Variants in ADAT2 observed in about 807,000 individuals in gnomAD.
ADAT2 encodes the protein adenosine deaminase tRNA specific 2.
Under a neutral mutation model 25.9 loss-of-function variants are expected in ADAT2, and 26 were observed. The observed-to-expected ratio is 1.00, with a 90% CI of 0.74 to 1.39. The LOEUF is 1.39. Among genes scored for constraint, ADAT2 ranks in the 40% most tolerant of loss-of-function variants. The pLI, the probability that ADAT2 is intolerant of heterozygous loss-of-function variation, is 0.00. For synonymous variants in ADAT2, 76 were observed against 86.8 expected (o/e 0.88, Z 0.69); for missense variants, 220 against 244.8 (o/e 0.90, Z 0.68).
Position 143,432,662 on chromosome 6 carries a change from G to A in ADAT2, c.353-51C>T, listed in dbSNP as rs370220554. The A allele has an allele frequency of 1.8e-5, 28 of 1,568,782 alleles. No individual in the cohort carries two copies. The highest frequency in any genetic ancestry group is 4.5e-5 in the East Asian group (2 of 44,548). ...AGAATGTACATTTCAAGTATGTATC[G>A]TGACAAAATCAGAGTAGGTTTATAC... On this transcript the variant is annotated intron_variant, in intron 3 of 5. Coordinates refer to ENST00000237283, the MANE Select transcript of ADAT2 (RefSeq NM_182503.3). The surrounding 1 kb of genome is among the most constrained non-coding windows in gnomAD (Gnocchi z 4.4).
Position 143,438,638 on chromosome 6 carries a change from G to T in ADAT2, c.153C>A (p.Asn51Lys). ...EVPVGCLMVY[N>K]NEVVGKGRNE... is the part of the protein sequence containing the mutation. ...TTCTCCCCTTCCCTACAACTTCATT[G>T]TTGTAGACCATAAGACAGCCAACAG... Residue 51 changes from asparagine to lysine, a missense_variant, in exon 2 of 6, where the codon AAC becomes AAA. Coordinates refer to ENST00000237283, the MANE Select transcript of ADAT2 (RefSeq NM_182503.3). The T allele has an allele frequency of 6.2e-7, 1 of 1,613,498 alleles. No individual in the cohort carries two copies. The highest frequency in any genetic ancestry group is 8.5e-7 in the Non-Finnish European group (1 of 1,179,546).
At position 143,423,123 on chromosome 6, in the gene ADAT2, T is replaced by C. The variant is rs1336833911; in HGVS notation, c.*5340A>G. On this transcript the variant is annotated 3_prime_UTR_variant, in exon 6 of 6. Transcript: ENST00000237283. Reference sequence around the variant, plus strand: ...TCCAATCTCAGCCTTTTACCTACTCTAGACCAGGGGCAGCTAACATTTTCT... The same window carrying C: ...TCCAATCTCAGCCTTTTACCTACTCCAGACCAGGGGCAGCTAACATTTTCT... 2 of 152,226 alleles carry C rather than the reference T, an allele frequency of 1.3e-5. No individual in the cohort carries two copies. The highest frequency in any genetic ancestry group is 4.8e-5 in the African/African-American group (2 of 41,454). The allele number at this position is 152,226 out of a possible 1,614,324, so 9.4% of individuals were successfully genotyped here.
intron 1 of ADAT2, among the ~76,000 whole-genome samples, chr6:143,448,257 TG>T (rs1315606815): frequency 6.7e-6 from 1 of 148,706 alleles, no homozygotes; most frequent in Non-Finnish European, 1.5e-5. Flanking sequence ...GTCATGGGGT[TG>T]GGGGGAGAGG....
At chr6:143,449,160 T>C (rs563117608) in intron 1 of ADAT2, among the ~76,000 whole-genome samples, 23 of 152,200 alleles carry the variant, frequency 1.5e-4, no homozygotes, top group Non-Finnish European at 2.8e-4. Context: ...CAATCCACCT[T>C]CCTCAGCCTC....
rs966891278 is a variant in ADAT2 at position 143,444,448 on chromosome 6, A to G, written c.97-5754T>C. 6.6e-6 allele frequency: 1 copy of G among 152,340 alleles called. No individual in the cohort carries two copies. Among genetic ancestry groups the G allele is most frequent in the African/African-American group, 2.4e-5 (1 of 41,438 alleles). 9.4% of individuals were successfully genotyped at this position (152,340 alleles called of 1,614,324 possible). On this transcript the variant is annotated intron_variant, in intron 1 of 5. Coordinates refer to ENST00000237283, the MANE Select transcript of ADAT2 (RefSeq NM_182503.3). This position sits in a 1 kb window ranked among gnomAD's most constrained non-coding sequence, Gnocchi z 4.3. ...AGATTTGCTTCACTAACAAGTTCACAATAGATTTAATTAAGCTGGAAATCA... is the reference window on the plus strand; with the variant it reads ...AGATTTGCTTCACTAACAAGTTCACGATAGATTTAATTAAGCTGGAAATCA...
chr6:143,432,448 C>G lies in ADAT2; in HGVS notation c.459+57G>C. ...GGCCACACACTAGTTATTCACAAGCCCATAAAGAGATGAAAATAATTAGCA... is the reference window on the plus strand; with the variant it reads ...GGCCACACACTAGTTATTCACAAGCGCATAAAGAGATGAAAATAATTAGCA... On this transcript the variant is annotated intron_variant, in intron 4 of 5. Transcript: ENST00000237283. The surrounding 1 kb of genome is among the most constrained non-coding windows in gnomAD (Gnocchi z 4.4). The G allele has an allele frequency of 6.8e-7, 1 of 1,476,146 alleles. No homozygotes were observed. The highest frequency in any genetic ancestry group is 2.3e-5 in the East Asian group (1 of 43,770). 91.4% of individuals were successfully genotyped at this position (1,476,146 alleles called of 1,614,324 possible). A position where few individuals can be genotyped will look rare whatever the true frequency, so the allele number is the denominator to read the frequency against.
In ADAT2 at chr6:143,446,822, T is replaced by TCTGA. The variant is rs1419335516; in HGVS notation, c.96+3740_96+3741insTCAG. ...ATATCCCATCTGAAAATGAGGACCA[T>TCTGA]AATAATACTCACCTGATAGGGCTTC... On this transcript the variant is annotated intron_variant, in intron 1 of 5. Coordinates refer to ENST00000237283, the MANE Select transcript of ADAT2 (RefSeq NM_182503.3). The surrounding 1 kb of genome is among the most constrained non-coding windows in gnomAD (Gnocchi z 5.0). 2.0e-5 allele frequency among the ~76,000 whole-genome samples: 3 copies of TCTGA among 152,136 alleles called. No individual in the cohort carries two copies. Among genetic ancestry groups the TCTGA allele is most frequent in the African/African-American group, 7.2e-5 (3 of 41,430 alleles).
At chr6:143,433,738 T>C (rs1779182995) in intron 3 of ADAT2, 93 bp downstream of exon 3, 1 of 1,314,142 alleles carries the variant, frequency 7.6e-7, no homozygotes. Flanking sequence ...CCTAAGTCTG[T>C]GTTTTCATAT....
rs112457259 is a variant in ADAT2 at position 143,450,007 on chromosome 6, A to G, written c.96+556T>C. On this transcript the variant is annotated intron_variant, in intron 1 of 5. Transcript: ENST00000237283. Reference sequence around the variant, plus strand: ...TGTAAATACATATATTTACAAACAAACTTTTTTTCCCAGTTAAGAAGCTCG... The same window carrying G: ...TGTAAATACATATATTTACAAACAAGCTTTTTTTCCCAGTTAAGAAGCTCG... 7.4e-3 allele frequency: 1,128 copies of G among 152,396 alleles called. 11 individuals are homozygous for G. The highest frequency in any genetic ancestry group is 8.6e-3 in the Non-Finnish European group (586 of 68,174). The allele number at this position is 152,396 out of a possible 1,614,324, so 9.4% of individuals were successfully genotyped here. A position where few individuals can be genotyped will look rare whatever the true frequency, so the allele number is the denominator to read the frequency against.
rs952373980 is a variant in ADAT2, at chr6:143,442,088, A to G, written c.97-3394T>C. 1 of 152,196 alleles carries G rather than the reference A, an allele frequency of 6.6e-6. No individual in the cohort carries two copies. 9.4% of individuals were successfully genotyped at this position (152,196 alleles called of 1,614,324 possible). A position where few individuals can be genotyped will look rare whatever the true frequency, so the allele number is the denominator to read the frequency against. On this transcript the variant is annotated intron_variant, in intron 1 of 5. Transcript: ENST00000237283. This position sits in a 1 kb window ranked among gnomAD's most constrained non-coding sequence, Gnocchi z 4.6. ...AGAAATGAAAACCTATGCTCACACA[A>G]TGTATGTCTGTGTGCACAAATATTC...
At chr6:143,448,970 A>C (rs1234877185) in intron 1 of ADAT2, among the ~76,000 whole-genome samples, 1 of 152,214 alleles carries the variant, frequency 6.6e-6, no homozygotes, top group Non-Finnish European at 1.5e-5. Context: ...ATTTTATATA[A>C]ATTATATGCT....
At position 143,423,365 on chromosome 6, in the gene ADAT2, C is replaced by T. The variant is rs1453453940; in HGVS notation, c.*5098G>A. The T allele has an allele frequency of 4.6e-5, 7 of 151,920 alleles. No homozygotes were observed. The East Asian group carries it at 1.3e-3, about 29-fold the overall frequency. 9.4% of individuals were successfully genotyped at this position (151,920 alleles called of 1,614,324 possible). A position where few individuals can be genotyped will look rare whatever the true frequency, so the allele number is the denominator to read the frequency against. ...TATTATCCTTCTTTTGATTTTTTTT[C>T]AATCACTCAGAATTGTAAGACCCAT... On this transcript the variant is annotated 3_prime_UTR_variant, in exon 6 of 6. Coordinates refer to ENST00000237283, the MANE Select transcript of ADAT2 (RefSeq NM_182503.3).
Position 143,428,477 on chromosome 6 carries a change from A to G in ADAT2, c.562T>C (p.Cys188Arg). 6.2e-7 allele frequency: 1 copy of G among 1,613,916 alleles called. No individual in the cohort carries two copies. Among genetic ancestry groups the G allele is most frequent in the Non-Finnish European group, 8.5e-7 (1 of 1,180,000 alleles). Reference protein sequence around the residue: ...APKSKVRKKECQKS With the variant: ...APKSKVRKKERQKS Reference sequence around the variant, plus strand: ...TCAGAACATGTTCAAGATTTCTGACATTCCTTTTTCCGAACTTTCGATTTT... The same window carrying G: ...TCAGAACATGTTCAAGATTTCTGACGTTCCTTTTTCCGAACTTTCGATTTT... Residue 188 changes from cysteine to arginine, a missense_variant, in exon 6 of 6, where the codon TGT becomes CGT. By Grantham distance (180) the Cys-to-Arg change is radical (BLOSUM62 -3). Coordinates refer to ENST00000237283, the MANE Select transcript of ADAT2 (RefSeq NM_182503.3). The surrounding 1 kb of genome is among the most constrained non-coding windows in gnomAD (Gnocchi z 5.0).
intron 1 of ADAT2, among the ~76,000 whole-genome samples, chr6:143,438,999 C>T (rs763422909): frequency 1.2e-4 from 19 of 152,074 alleles, no homozygotes; most frequent in Non-Finnish European, 2.4e-4. Flanking sequence ...GTGCCAGGGT[C>T]TATGTGTCTT....
intron 4 of ADAT2, among the ~76,000 whole-genome samples, chr6:143,429,277 T>C (rs9484746): frequency 0.28 from 42,681 of 152,128 alleles, 6,235 homozygotes; most frequent in Admixed American, 0.32. Flanking sequence ...GTGACAGAGA[T>C]GTAAGCGGCT....
intron 1 of ADAT2, among the ~76,000 whole-genome samples, chr6:143,445,347 C>T (rs983334439): frequency 6.6e-5 from 10 of 151,940 alleles, no homozygotes; most frequent in Admixed American, 3.9e-4. Context: ...AAAAGGCACA[C>T]GCACATAATA....
Position 143,450,662 on chromosome 6 carries a change from C to T in ADAT2, c.-4G>A. 1 of 1,613,116 alleles carries T rather than the reference C, an allele frequency of 6.2e-7. No homozygotes were observed. Among genetic ancestry groups the T allele is most frequent in the Non-Finnish European group, 8.5e-7 (1 of 1,179,964 alleles). ...TGGGTGCCGCCTTCGCCTCCATACC[C>T]AGCCACCACTCAGCTACAGAGCCCG... is the stretch of plus-strand genomic sequence containing the variant. On this transcript the variant is annotated 5_prime_UTR_variant, in exon 1 of 6. Coordinates refer to ENST00000237283, the MANE Select transcript of ADAT2 (RefSeq NM_182503.3).
chr6:143,427,565 T>C lies in ADAT2; in HGVS notation c.*898A>G, dbSNP rs765415141. 15 of 152,244 alleles carry C rather than the reference T, an allele frequency of 9.9e-5. No homozygotes were observed. The highest frequency in any genetic ancestry group is 1.9e-4 in the Non-Finnish European group (13 of 68,034). The allele number at this position is 152,244 out of a possible 1,614,324, so 9.4% of individuals were successfully genotyped here. ...ATATGGATTATAAAAGAAATAACCATTTGTTTCAGATTAAATTGATCATTC... is the reference window on the plus strand; with the variant it reads ...ATATGGATTATAAAAGAAATAACCACTTGTTTCAGATTAAATTGATCATTC... On this transcript the variant is annotated 3_prime_UTR_variant, in exon 6 of 6. Transcript: ENST00000237283.
In ADAT2 at chr6:143,424,275, T is replaced by C. The variant is rs901650654; in HGVS notation, c.*4188A>G. 1 of 152,232 alleles carries C rather than the reference T, an allele frequency of 6.6e-6. No homozygotes were observed. The highest frequency in any genetic ancestry group is 1.5e-5 in the Non-Finnish European group (1 of 68,044). 9.4% of individuals were successfully genotyped at this position (152,232 alleles called of 1,614,324 possible). On this transcript the variant is annotated 3_prime_UTR_variant, in exon 6 of 6. Coordinates refer to ENST00000237283, the MANE Select transcript of ADAT2 (RefSeq NM_182503.3). The surrounding 1 kb of genome is among the most constrained non-coding windows in gnomAD (Gnocchi z 4.8). ...AAAAGGCAGAGAAACCAATTCCTGG[T>C]GTCTGGTTTCCCTGGGGCTATAAGG...
Sources: gnomAD v4.1 joint callset for allele counts (sites outside exome capture counted in the v4.1 genomes callset) on GRCh38, gnomAD v4.1.1 for gene constraint, Gnocchi (gnomAD v3.1) non-coding constraint, MANE v1.5 for transcripts, NCBI Gene and HGNC (gene_info 2026-07-23, HGNC 2026-07-21) for gene names.